The following OSBPL10 variants were observed in gnomAD, a reference collection of about 807,000 sequenced individuals.
OSBPL10 encodes oxysterol binding protein like 10, also known as oxysterol-binding protein-related protein 10.
Under a neutral mutation model 81.7 loss-of-function variants are expected in OSBPL10, and 49 were observed. The observed-to-expected ratio is 0.60, with a 90% CI of 0.48 to 0.76. The LOEUF (loss-of-function observed/expected upper bound fraction) is 0.76, where lower values mean the gene tolerates loss of function less well. OSBPL10 is among the 30% of genes least tolerant of loss of function. The pLI, the probability that OSBPL10 is intolerant of heterozygous loss-of-function variation, is 0.00. For missense variants in OSBPL10, 923 were observed against 987.8 expected (o/e 0.93, Z 0.88); for synonymous variants, 419 against 383.6 (o/e 1.09, Z -1.08).
intron 10 of OSBPL10, 41 bp from the exon 11 acceptor site, chr3:31,664,273 G>A (rs757539327): frequency 1.0e-5 from 16 of 1,594,934 alleles, no homozygotes; most frequent in Admixed American, 1.7e-5. Flanking sequence ...AGCCAGGCCA[G>A]CTGGCTGCAA....
intron 7 of OSBPL10, among the ~76,000 whole-genome samples, chr3:31,698,712 A>G (rs1264266224): frequency 1.3e-5 from 2 of 152,118 alleles, no homozygotes; most frequent in African/African-American, 4.8e-5. Flanking sequence ...CCCTCCGGCC[A>G]GAACACTCTT....
intron 1 of OSBPL10, among the ~76,000 whole-genome samples, chr3:31,908,422 A>G (rs567201262): frequency 6.6e-6 from 1 of 152,294 alleles, no homozygotes; most frequent in East Asian, 1.9e-4. Context: ...GGTCACATGG[A>G]AAAGTTTACC....
At position 31,735,719 on chromosome 3, in the gene OSBPL10, T is replaced by C. The variant is rs367752166; in HGVS notation, c.941-2308A>G. Among the ~76,000 whole-genome samples, 339 of 87,206 alleles carry C rather than the reference T, an allele frequency of 3.9e-3. 1 individual carries two copies. Among genetic ancestry groups the C allele is most frequent in the African/African-American group, 0.015 (326 of 22,168 alleles). 57.2% of individuals were successfully genotyped at this position (87,206 alleles called of 152,430 possible). ...GAAGTCTCCTGTGTAGATCCAGGAG[T>C]CAGCTAAAATATCACTTGCTCAGAG... On this transcript the variant is annotated intron_variant, in intron 5 of 11. Coordinates refer to ENST00000396556, the MANE Select transcript of OSBPL10 (RefSeq NM_017784.5).
chr3:31,751,426 G>A (rs12632849), intron 4 of OSBPL10, among the ~76,000 whole-genome samples: 45,347 of 152,024 alleles, frequency 0.3, 8,357 homozygotes, highest in East Asian at 0.63. Context: ...GTATTCATCC[G>A]TATTTACTGA....
intron 2 of OSBPL10, among the ~76,000 whole-genome samples, chr3:31,995,322 C>G (rs60307779): frequency 6.6e-6 from 1 of 152,192 alleles, no homozygotes; most frequent in Admixed American, 6.5e-5. Flanking sequence ...CCAGAGCGGC[C>G]GTTTATAGAC....
At chr3:31,809,271 G>A (rs1374159748) in intron 4 of OSBPL10, among the ~76,000 whole-genome samples, 1 of 152,168 alleles carries the variant, frequency 6.6e-6, no homozygotes, top group East Asian at 1.9e-4. Flanking sequence ...GCAATCCACA[G>A]GAAGTAATAG....
chr3:31,945,358 C>CT, intron 1 of OSBPL10, among the ~76,000 whole-genome samples: 1 of 152,202 alleles, frequency 6.6e-6, no homozygotes, highest in South Asian at 2.1e-4. Flanking sequence ...CACAAATATG[C>CT]TCTAGGGACA....
chr3:31,813,294 C>T lies in OSBPL10; in HGVS notation c.729+16746G>A, dbSNP rs146350125. On this transcript the variant is annotated intron_variant, in intron 4 of 11. Transcript: ENST00000396556. ...CCTACTGTCTTCATTTTGCAGGTGG[C>T]AGCAAAGGTCAAATGGCTTGCCCAA... 4.3e-3 allele frequency among the ~76,000 whole-genome samples: 648 copies of T among 152,298 alleles called. 12 individuals are homozygous for T. Among genetic ancestry groups the T allele is most frequent in the South Asian group, 0.036 (174 of 4,820 alleles).
chr3:31,830,136 C>A lies in OSBPL10; in HGVS notation c.633G>T (p.Gly211=). Residue 211 remains glycine, a synonymous_variant, in exon 4 of 12, where the codon GGG becomes GGT. Transcript: ENST00000396556. ...GCGTGATTGTGACAACACCGGGGGC[C>A]CCCACACTGAGGTGTCTCTGGCTAC... The part of the protein sequence containing the change: ...SPCSQRHLSV[G]APGVVTITHH... 3 of 1,614,118 alleles carry A rather than the reference C, an allele frequency of 1.9e-6. No individual in the cohort carries two copies. The highest frequency in any genetic ancestry group is 2.5e-6 in the Non-Finnish European group (3 of 1,180,008).
intron 4 of OSBPL10, among the ~76,000 whole-genome samples, chr3:31,757,470 G>A (rs1349084553): frequency 6.6e-6 from 1 of 152,194 alleles, no homozygotes; most frequent in African/African-American, 2.4e-5. Flanking sequence ...ATGGTGCTCA[G>A]AAGGCACCAA....
At chr3:31,831,148 T>C (rs1559483665) in intron 3 of OSBPL10, among the ~76,000 whole-genome samples, 2 of 152,210 alleles carry the variant, frequency 1.3e-5, no homozygotes, top group Non-Finnish European at 2.9e-5. Flanking sequence ...GGCTCACACC[T>C]GTAATCCCAG....
intron 1 of OSBPL10, among the ~76,000 whole-genome samples, chr3:31,968,640 C>G (rs1182164955): frequency 2.6e-5 from 4 of 152,136 alleles, no homozygotes; most frequent in Non-Finnish European, 5.9e-5. Flanking sequence ...ATGGCCTATC[C>G]TATTAATCAA....
At chr3:31,695,136 A>G (rs1695674344) in intron 7 of OSBPL10, among the ~76,000 whole-genome samples, 1 of 152,214 alleles carries the variant, frequency 6.6e-6, no homozygotes, top group Non-Finnish European at 1.5e-5. Flanking sequence ...ACCGGAGCAC[A>G]GCTCAATCCA....
At chr3:32,030,626 A>G (rs1283292426) in intron 2 of OSBPL10, 18 of 1,410,640 alleles carry the variant, frequency 1.3e-5, no homozygotes, top group Admixed American at 5.0e-5. Context: ...GTGAGAACCA[A>G]TGGGAAGTAG....
intron 1 of OSBPL10, among the ~76,000 whole-genome samples, chr3:31,948,854 C>T (rs1697778586): frequency 6.6e-6 from 1 of 152,310 alleles, no homozygotes; most frequent in Admixed American, 6.5e-5. Context: ...CTGGAGCCCC[C>T]ACCATCCATG....
At chr3:32,032,702 A>T in intron 2 of OSBPL10, among the ~76,000 whole-genome samples, 1 of 152,222 alleles carries the variant, frequency 6.6e-6, no homozygotes, top group East Asian at 1.9e-4. Flanking sequence ...ATTCTATTGA[A>T]CAGTTGACTT....
chr3:31,805,454 G>C (rs1178968085), intron 4 of OSBPL10, among the ~76,000 whole-genome samples: 1 of 152,136 alleles, frequency 6.6e-6, no homozygotes, highest in East Asian at 1.9e-4. Context: ...ACTAGTCAAT[G>C]CAACTATGAA....
chr3:31,979,315 A>G (rs1698765909), intron 1 of OSBPL10, among the ~76,000 whole-genome samples: 1 of 152,228 alleles, frequency 6.6e-6, no homozygotes, highest in Admixed American at 6.5e-5. Flanking sequence ...ACATAGTAAC[A>G]CATCTCCCAG....
intron 1 of OSBPL10, among the ~76,000 whole-genome samples, chr3:31,893,954 T>G (rs540458710): frequency 6.6e-6 from 1 of 152,244 alleles, no homozygotes; most frequent in Non-Finnish European, 1.5e-5. Flanking sequence ...TACAAAACTA[T>G]ATAAATTTAC....
Sources: allele counts gnomAD v4.1 joint callset (sites outside exome capture counted in the v4.1 genomes callset), GRCh38; gene constraint gnomAD v4.1.1; transcripts MANE v1.5; gene names NCBI Gene and HGNC (gene_info 2026-07-23, HGNC 2026-07-21).